Variants in CCDC178 observed in about 807,000 individuals in gnomAD.
CCDC178 encodes the protein coiled-coil domain containing 178, also known as coiled-coil domain-containing protein 178.
In CCDC178, 126 loss-of-function variants were observed where a neutral mutation model predicts 117.4. The observed-to-expected ratio is 1.07, with a 90% confidence interval of 0.93 to 1.24. CCDC178 has a LOEUF of 1.24. CCDC178 is among the 50% of genes most tolerant of loss of function. The pLI is 0.00. For missense variants in CCDC178, 1,030 were observed against 986.9 expected, an observed-to-expected ratio of 1.04 and a Z score of -0.59; for synonymous variants, 283 against 313.4, an observed-to-expected ratio of 0.90 and a Z score of 1.02.
rs545386579 is a variant in CCDC178, at chr18:33,152,526, A to G, written c.2238+59370T>C. On this transcript the variant is annotated intron_variant, in intron 20 of 22. Transcript: ENST00000383096. ...AGCTCGCCAGGAAGGAGCCAAGGCT[A>G]GACTCCAAGGATGAAAGATCAAAAG... 2.6e-5 allele frequency among the ~76,000 whole-genome samples: 4 copies of G among 152,106 alleles called. No individual in the cohort carries two copies. The East Asian group carries it at 7.8e-4, about 30-fold the overall frequency.
At chr18:33,255,600 A>G (rs981886542) in intron 14 of CCDC178, among the ~76,000 whole-genome samples, 4 of 152,042 alleles carry the variant, frequency 2.6e-5, no homozygotes, top group African/African-American at 7.2e-5. Flanking sequence ...CAAAACAGGT[A>G]ACTTGGTGGA....
Position 33,370,141 on chromosome 18 carries a change from C to G in CCDC178, c.257G>C (p.Cys86Ser). Reference sequence around the variant, plus strand: ...AGGTGCTGGAATATTTACTACGGCACAGCTGTGACGTCGACATGGGTAGCT... The same window carrying G: ...AGGTGCTGGAATATTTACTACGGCAGAGCTGTGACGTCGACATGGGTAGCT... ...YFSYPCRRHS[C>S]AVVNIPAPCV... Residue 86 changes from cysteine to serine, a missense_variant, in exon 6 of 23, where the codon TGT (cysteine) becomes TCT (serine). By Grantham distance (112) the Cys-to-Ser change is moderately radical. Transcript: ENST00000383096. 1 of 1,606,454 alleles carries G rather than the reference C, an allele frequency of 6.2e-7. No homozygotes were observed.
chr18:33,201,657 C>T (rs986980089), intron 20 of CCDC178, among the ~76,000 whole-genome samples: 1 of 145,768 alleles, frequency 6.9e-6, no homozygotes, highest in Non-Finnish European at 1.5e-5. Context: ...TTGCAAAAGC[C>T]GTGGGTTGTA....
rs529803740 is a variant in CCDC178 at position 33,244,916 on chromosome 18, T to C, written c.1593+329A>G. ...GTAGACGAACACCTCTCAGAATCCC[T>C]TCTTCCTACTACAGGCAGACATTAT... On this transcript the variant is annotated intron_variant, in intron 15 of 22. Transcript: ENST00000383096. Among the ~76,000 whole-genome samples the C allele has an allele frequency of 7.2e-5, 11 of 152,106 alleles. No individual in the cohort carries two copies. The East Asian group carries it at 1.2e-3, about 16-fold the overall frequency.
chr18:33,028,728 A>T (rs2056276908), intron 21 of CCDC178, among the ~76,000 whole-genome samples: 1 of 151,772 alleles, frequency 6.6e-6, no homozygotes, highest in Admixed American at 6.6e-5. Context: ...TTTTTTAATT[A>T]TAAAGCAGTG....
Position 33,323,507 on chromosome 18 carries a change from T to G in CCDC178, c.1006A>C (p.Thr336Pro). 6.6e-7 allele frequency: 1 copy of G among 1,524,272 alleles called. No homozygotes were observed. Among genetic ancestry groups the G allele is most frequent in the Admixed American group, 2.1e-5 (1 of 46,984 alleles). 94.4% of individuals were successfully genotyped at this position (1,524,272 alleles called of 1,614,324 possible). A position where few individuals can be genotyped will look rare whatever the true frequency, so the allele number is the denominator to read the frequency against. ...IDKDIYQDEK[T>P]IEAYKREIYQ... ...AATTCTTACTTGTAGGCCTCTATGG[T>G]TTTTTCATCCTGGTAAATATCCTTA... is the stretch of plus-strand genomic sequence containing the variant. Residue 336 changes from threonine (T) to proline (P), a missense_variant, in exon 11 of 23, where the codon ACC becomes CCC. Physicochemically the swap from Thr to Pro is conservative, Grantham distance 38 (BLOSUM62 -1). Coordinates refer to ENST00000383096, the MANE Select transcript of CCDC178 (RefSeq NM_001105528.4).
chr18:33,337,222 G>T (rs1267583462), intron 9 of CCDC178, among the ~76,000 whole-genome samples: 2 of 150,586 alleles, frequency 1.3e-5, no homozygotes, highest in East Asian at 3.9e-4. Context: ...CAGAGCTATT[G>T]ATTTGTGTAC....
chr18:33,369,865 C>T (rs2063272131), intron 6 of CCDC178, among the ~76,000 whole-genome samples, 185 bp downstream of exon 6: 1 of 151,832 alleles, frequency 6.6e-6, no homozygotes, highest in African/African-American at 2.4e-5. Flanking sequence ...GTCGTTTCAC[C>T]CTTCTGGAGT....
At chr18:33,154,940 AAC>A (rs1225984429) in intron 20 of CCDC178, among the ~76,000 whole-genome samples, 4 of 152,192 alleles carry the variant, frequency 2.6e-5, no homozygotes, top group Admixed American at 2.6e-4. Context: ...GGGAGATTTC[AAC>A]ACCTCTTGTC....
intron 21 of CCDC178, among the ~76,000 whole-genome samples, chr18:33,035,770 T>C (rs1425228885): frequency 6.6e-6 from 1 of 152,020 alleles, no homozygotes; most frequent in Non-Finnish European, 1.5e-5. Flanking sequence ...ATATATCAAA[T>C]CATCACATTG....
intron 21 of CCDC178, among the ~76,000 whole-genome samples, chr18:32,997,469 C>A (rs551431075): frequency 6.6e-6 from 1 of 152,244 alleles, no homozygotes; most frequent in South Asian, 2.1e-4. Context: ...GGTCAAGCTG[C>A]AAGTTTTCAT....
chr18:33,179,645 T>G (rs1452802759), intron 20 of CCDC178, among the ~76,000 whole-genome samples: 1 of 152,028 alleles, frequency 6.6e-6, no homozygotes, highest in Non-Finnish European at 1.5e-5. Context: ...CCCAAAAGTT[T>G]TCAACACAGA....
intron 21 of CCDC178, among the ~76,000 whole-genome samples, chr18:33,083,267 C>T (rs2057325454): frequency 6.6e-6 from 1 of 152,172 alleles, no homozygotes; most frequent in African/African-American, 2.4e-5. Context: ...AGTCTGGCCC[C>T]ATGCTACACT....
chr18:33,047,845 A>G (rs1366797078), intron 21 of CCDC178, among the ~76,000 whole-genome samples: 1 of 152,166 alleles, frequency 6.6e-6, no homozygotes. Context: ...AACACTAGCC[A>G]TCAATTTGCT....
intron 4 of CCDC178, among the ~76,000 whole-genome samples, chr18:33,393,599 T>A (rs575123058): frequency 6.6e-6 from 1 of 152,288 alleles, no homozygotes; most frequent in Admixed American, 6.5e-5. Flanking sequence ...ATCGAGTATG[T>A]TTTATCTGAC....
chr18:33,364,536 G>T (rs558436802), intron 6 of CCDC178, among the ~76,000 whole-genome samples: 1 of 151,802 alleles, frequency 6.6e-6, no homozygotes, highest in Non-Finnish European at 1.5e-5. Flanking sequence ...CAGGAGCTAA[G>T]AAAAAAAGGA....
chr18:33,348,140 A>T (rs184689202), intron 8 of CCDC178, among the ~76,000 whole-genome samples: 102 of 152,174 alleles, frequency 6.7e-4, no homozygotes, highest in African/African-American at 2.2e-3. Context: ...GGCACAAATA[A>T]TGAAAAATAA....
intron 21 of CCDC178, among the ~76,000 whole-genome samples, chr18:33,060,842 A>G (rs2056909608): frequency 6.6e-6 from 1 of 152,142 alleles, no homozygotes; most frequent in African/African-American, 2.4e-5. Context: ...GAAAAACAAT[A>G]GCACTTAATC....
At chr18:33,194,900 CA>C (rs530764182) in intron 20 of CCDC178, among the ~76,000 whole-genome samples, 1,549 of 56,090 alleles carry the variant, frequency 0.028, 14 homozygotes, top group African/African-American at 0.067. Context: ...TCTGTTTCTA[CA>C]AAAAAAAAAA....
Sources: gnomAD v4.1 joint callset for allele counts (sites outside exome capture counted in the v4.1 genomes callset) on GRCh38, gnomAD v4.1.1 for gene constraint, MANE v1.5 for transcripts, NCBI Gene and HGNC (gene_info 2026-07-23, HGNC 2026-07-21) for gene names.